GIGYF2: variants seen among roughly 807,000 people sequenced by gnomAD.
GIGYF2 encodes the protein GRB10 interacting GYF protein 2.
A neutral mutation model predicts 208.1 loss-of-function variants in GIGYF2; 25 were observed. That is an observed-to-expected ratio of 0.12 (90% confidence interval 0.09 to 0.17). The LOEUF (loss-of-function observed/expected upper bound fraction) is 0.17, where lower values mean the gene tolerates loss of function less well. Among genes scored for constraint, GIGYF2 ranks in the 10% least tolerant of loss-of-function variants. The probability of loss-of-function intolerance (pLI) is 1.00; values close to 1 mark genes in which losing one functional copy is unlikely to be tolerated. For missense variants in GIGYF2, 1,302 were observed against 1,579.4 expected, an observed-to-expected ratio of 0.82 and a Z score of 2.98; for synonymous variants, 534 against 543.8, an observed-to-expected ratio of 0.98 and a Z score of 0.25.
chr2:232,734,500 T>G (rs1483552182), intron 2 of GIGYF2: 1 of 152,230 alleles, frequency 6.6e-6, no homozygotes, highest in Non-Finnish European at 1.5e-5. Flanking sequence ...TGAGCCACCT[T>G]GCCTGGTGGT....
In GIGYF2 at chr2:232,791,277, C is replaced by A; in HGVS notation, c.1113C>A (p.Pro371=). Residue 371 remains proline, a synonymous_variant, in exon 12 of 29, where the codon CCC becomes CCA. Coordinates refer to ENST00000373563, the MANE Select transcript of GIGYF2 (RefSeq NM_001103146.3). ...RVGVEASEET[P]QTSSSSARPG... ...TTCCAGAAGCTAGTGAGGAAACTCCCCAGACCTCATCATCATCTGCTAGAC... is the reference window on the plus strand; with the variant it reads ...TTCCAGAAGCTAGTGAGGAAACTCCACAGACCTCATCATCATCTGCTAGAC... 1 of 1,614,016 alleles carries A rather than the reference C, an allele frequency of 6.2e-7. No homozygotes were observed.
intron 2 of GIGYF2, among the ~76,000 whole-genome samples, chr2:232,716,817 T>G (rs780872788): frequency 5.3e-5 from 8 of 152,210 alleles, no homozygotes; most frequent in Admixed American, 1.3e-4. Flanking sequence ...ACTGAAGTTT[T>G]TTTTTTGATA....
At chr2:232,735,367 A>G in intron 3 of GIGYF2, 129 bp downstream of exon 3, 1 of 710,004 alleles carries the variant, frequency 1.4e-6, no homozygotes, top group South Asian at 1.6e-5. Context: ...CTCGCTGAAA[A>G]CAATGTGTTA....
At chr2:232,767,360 A>G (rs1218204312) in intron 8 of GIGYF2, 4 of 152,248 alleles carry the variant, frequency 2.6e-5, no homozygotes, top group Non-Finnish European at 5.9e-5. Flanking sequence ...GTTTTATATG[A>G]TCAAATGAAT....
intron 18 of GIGYF2, among the ~76,000 whole-genome samples, chr2:232,815,214 G>C (rs1332970695): frequency 6.8e-6 from 1 of 146,310 alleles, no homozygotes; most frequent in Non-Finnish European, 1.5e-5. Flanking sequence ...TCTCTAGTTG[G>C]TGTGCAGTGA....
chr2:232,711,616 C>T (rs974500984), intron 2 of GIGYF2, among the ~76,000 whole-genome samples: 1 of 149,844 alleles, frequency 6.7e-6, no homozygotes, highest in Non-Finnish European at 1.5e-5. Flanking sequence ...TTATAGAAGG[C>T]AACTGGGTTA....
rs1484801922 is a variant in GIGYF2, at chr2:232,719,262, TTCGGGAACACTGTC to T, written c.-44+15774_-44+15787del. The T allele has an allele frequency of 2.6e-5, 4 of 152,344 alleles. No homozygotes were observed. The East Asian group carries it at 7.7e-4, about 29-fold the overall frequency. 9.4% of individuals were successfully genotyped at this position (152,344 alleles called of 1,614,324 possible). ...TCTTCAAGACTTCTGGAAAGCAGTATTCGGGAACACTGTCAAAGTTAAGTATCAGACACTGTGCT... is the reference window on the plus strand; with the variant it reads ...TCTTCAAGACTTCTGGAAAGCAGTATAAAGTTAAGTATCAGACACTGTGCT... On this transcript the variant is annotated intron_variant, in intron 2 of 28. Coordinates refer to ENST00000373563, the MANE Select transcript of GIGYF2 (RefSeq NM_001103146.3).
chr2:232,760,339 G>T (rs535933267), intron 6 of GIGYF2, 141 bp from the exon 7 acceptor site: 1 of 671,234 alleles, frequency 1.5e-6, no homozygotes, highest in South Asian at 1.6e-5. Flanking sequence ...CATAAGTCAA[G>T]ATCATCAGGC....
intron 2 of GIGYF2, among the ~76,000 whole-genome samples, chr2:232,708,627 G>A (rs889530106): frequency 4.7e-5 from 7 of 150,380 alleles, no homozygotes; most frequent in African/African-American, 1.2e-4. Context: ...TTGAGTCCAG[G>A]AGTTGGAGAC....
intron 3 of GIGYF2, among the ~76,000 whole-genome samples, chr2:232,741,972 ACT>A (rs1401464154): frequency 1.3e-5 from 2 of 151,602 alleles, no homozygotes; most frequent in African/African-American, 2.4e-5. Flanking sequence ...CCTTCCTCCG[ACT>A]CTCTTTCCAG....
intron 3 of GIGYF2, among the ~76,000 whole-genome samples, chr2:232,738,323 T>C (rs1032551118): frequency 2.0e-5 from 3 of 152,206 alleles, no homozygotes; most frequent in African/African-American, 7.2e-5. Context: ...TAAAAGGGTA[T>C]GATACATTCA....
chr2:232,779,449 A>C (rs1313378650), intron 8 of GIGYF2, among the ~76,000 whole-genome samples: 2 of 152,204 alleles, frequency 1.3e-5, no homozygotes, highest in Non-Finnish European at 2.9e-5. Flanking sequence ...CTTCAGTTGG[A>C]GTGCGATTTC....
chr2:232,710,416 C>T (rs1346341567), intron 2 of GIGYF2, among the ~76,000 whole-genome samples: 1 of 152,162 alleles, frequency 6.6e-6, no homozygotes, highest in Non-Finnish European at 1.5e-5. Context: ...ATAGACATGT[C>T]AGTGAGTTCT....
In GIGYF2 at chr2:232,850,429, C is replaced by T. The variant is rs752221747; in HGVS notation, c.3832+20C>T. 3 of 1,611,492 alleles carry T rather than the reference C, an allele frequency of 1.9e-6. No homozygotes were observed. Among genetic ancestry groups the T allele is most frequent in the Non-Finnish European group, 2.5e-6 (3 of 1,177,700 alleles). Reference sequence around the variant, plus strand: ...TATTAGGTGAGCACGGTCCTAGTCTCAGCTGAGTGTTGGAGGAGTGCAGGT... The same window carrying T: ...TATTAGGTGAGCACGGTCCTAGTCTTAGCTGAGTGTTGGAGGAGTGCAGGT... On this transcript the variant is annotated intron_variant, in intron 28 of 28. Transcript: ENST00000373563.
chr2:232,740,518 A>G (rs546866110), intron 3 of GIGYF2, among the ~76,000 whole-genome samples: 1 of 152,170 alleles, frequency 6.6e-6, no homozygotes, highest in Non-Finnish European at 1.5e-5. Flanking sequence ...TTATTTATAC[A>G]TTTGTTAAAA....
chr2:232,709,076 T>G (rs561205168), intron 2 of GIGYF2, among the ~76,000 whole-genome samples: 11 of 151,710 alleles, frequency 7.3e-5, no homozygotes, highest in Non-Finnish European at 1.5e-4. Flanking sequence ...GAGCTGAGGT[T>G]GCACCACTGC....
In GIGYF2 at chr2:232,836,302, ATATATATATATATATATATATAT is replaced by A. The variant is rs2106413325; in HGVS notation, c.2766+3210_2766+3232del. Among the ~76,000 whole-genome samples, 2 of 21,634 alleles carry A rather than the reference ATATATATATATATATATATATAT, an allele frequency of 9.2e-5. 1 individual carries two copies. Among genetic ancestry groups the A allele is most frequent in the Non-Finnish European group, 2.1e-4 (2 of 9,424 alleles). The allele number at this position is 21,634 out of a possible 152,430, so 14.2% of individuals were successfully genotyped here. On this transcript the variant is annotated intron_variant, in intron 22 of 28. Transcript: ENST00000373563. ...TATATATATATATATATATATATAT[ATATATATATATATATATATATAT>A]ATATACATATATATACTTATATATT...
intron 7 of GIGYF2, 85 bp downstream of exon 7, chr2:232,760,676 T>C: frequency 1.2e-6 from 1 of 822,238 alleles, no homozygotes; most frequent in Non-Finnish European, 2.1e-6. Context: ...AATGTTTTTG[T>C]ACAGTTAAAG....
At chr2:232,785,263 A>G (rs1178986986) in intron 8 of GIGYF2, among the ~76,000 whole-genome samples, 1 of 152,266 alleles carries the variant, frequency 6.6e-6, no homozygotes, top group East Asian at 1.9e-4. Context: ...AACAGCAAAC[A>G]TTTATTATCT....
Sources: allele counts gnomAD v4.1 joint callset (sites outside exome capture counted in the v4.1 genomes callset), GRCh38; gene constraint gnomAD v4.1.1; transcripts MANE v1.5; gene names NCBI Gene and HGNC (gene_info 2026-07-23, HGNC 2026-07-21).